Variants in FAM53B observed in about 807,000 individuals in gnomAD.
FAM53B encodes family with sequence similarity 53 member B, also known as protein FAM53B.
A neutral mutation model predicts 32.7 loss-of-function variants in FAM53B; 12 were observed. That is an observed-to-expected ratio of 0.37 (90% CI 0.24 to 0.59). The LOEUF is 0.59. Ranked by LOEUF, FAM53B falls within the 20% of genes least tolerant of loss-of-function variation. FAM53B has a pLI of 0.72. For synonymous variants in FAM53B, 234 were observed against 228.7 expected (o/e 1.02, Z -0.21); for missense variants, 477 against 577.7 (o/e 0.83, Z 1.79).
chr10:124,704,138 C>T (rs539288277), intron 2 of FAM53B: 2 of 152,398 alleles, frequency 1.3e-5, no homozygotes, highest in East Asian at 3.9e-4. Context: ...GGCTCCTCAC[C>T]CTTGAGGTCC....
intron 4 of FAM53B, among the ~76,000 whole-genome samples, chr10:124,634,403 A>G (rs936132617): frequency 6.6e-6 from 1 of 152,244 alleles, no homozygotes; most frequent in Non-Finnish European, 1.5e-5. Context: ...CTCATCTTGA[A>G]TTGTAGTTCC....
Position 124,714,512 on chromosome 10 carries a change from G to A in FAM53B, c.-174-7625C>T, listed in dbSNP as rs557362713. Reference sequence around the variant, plus strand: ...GTGGTGGCTCACGCCTGTAATCCCAGCACTTTGGGAGGCTGAGGCAGGCGG... The same window carrying A: ...GTGGTGGCTCACGCCTGTAATCCCAACACTTTGGGAGGCTGAGGCAGGCGG... On this transcript the variant is annotated intron_variant, in intron 1 of 4. Coordinates refer to ENST00000337318, the MANE Select transcript of FAM53B (RefSeq NM_014661.4). Among the ~76,000 whole-genome samples the A allele has an allele frequency of 1.2e-4, 18 of 152,292 alleles. No homozygotes were observed. In the South Asian group the frequency reaches 1.9e-3, roughly 16 times the overall value.
chr10:124,731,767 G>C (rs1409137327), intron 1 of FAM53B, among the ~76,000 whole-genome samples: 1 of 151,984 alleles, frequency 6.6e-6, no homozygotes, highest in Admixed American at 6.6e-5. Context: ...ATGAAGTTTT[G>C]GCTGTGGCCC....
At chr10:124,660,125 G>A (rs1422944429) in intron 4 of FAM53B, among the ~76,000 whole-genome samples, 1 of 152,210 alleles carries the variant, frequency 6.6e-6, no homozygotes, top group Non-Finnish European at 1.5e-5. Context: ...ACTTTCTAGG[G>A]GTTTGTCTTC....
chr10:124,664,409 G>A (rs1233085921), intron 4 of FAM53B, among the ~76,000 whole-genome samples: 3 of 152,224 alleles, frequency 2.0e-5, no homozygotes, highest in Non-Finnish European at 2.9e-5. Context: ...TCGCCTTTAG[G>A]AAACAGGTCA....
chr10:124,734,234 C>T (rs1205928196), intron 1 of FAM53B, among the ~76,000 whole-genome samples: 2 of 152,248 alleles, frequency 1.3e-5, no homozygotes, highest in East Asian at 1.9e-4. Context: ...GTCCATAATA[C>T]GAGCTATGAG....
intron 4 of FAM53B, among the ~76,000 whole-genome samples, chr10:124,680,092 T>C (rs1949759964): frequency 6.6e-6 from 1 of 152,232 alleles, no homozygotes; most frequent in African/African-American, 2.4e-5. Flanking sequence ...AGAAGGGAAA[T>C]TCCTCTTGGT....
intron 4 of FAM53B, among the ~76,000 whole-genome samples, chr10:124,675,204 C>T (rs1257309716): frequency 6.6e-6 from 1 of 152,036 alleles, no homozygotes; most frequent in Non-Finnish European, 1.5e-5. Context: ...TGCAGTGAGT[C>T]GAGATCTCAC....
chr10:124,645,455 C>T (rs1030279393), intron 4 of FAM53B, among the ~76,000 whole-genome samples: 1 of 152,188 alleles, frequency 6.6e-6, no homozygotes, highest in African/African-American at 2.4e-5. Context: ...CGGCAGCATT[C>T]CCCACCCCAC....
At chr10:124,732,358 T>C (rs1326428645) in intron 1 of FAM53B, among the ~76,000 whole-genome samples, 1 of 152,096 alleles carries the variant, frequency 6.6e-6, no homozygotes, top group Non-Finnish European at 1.5e-5. Flanking sequence ...CCACGCTCAG[T>C]CGTCGTCTTA....
intron 3 of FAM53B, among the ~76,000 whole-genome samples, chr10:124,692,060 G>A (rs1354775424): frequency 6.6e-6 from 1 of 152,238 alleles, no homozygotes; most frequent in Non-Finnish European, 1.5e-5. Context: ...CTTTGTAGAG[G>A]AAATTCCATT....
intron 1 of FAM53B, among the ~76,000 whole-genome samples, chr10:124,716,237 GA>G (rs1452537675): frequency 6.6e-6 from 1 of 152,154 alleles, no homozygotes. Context: ...AAAGGCCACC[GA>G]AGGCCACACT....
chr10:124,640,191 C>T (rs780701704), intron 4 of FAM53B, among the ~76,000 whole-genome samples: 54 of 152,250 alleles, frequency 3.5e-4, no homozygotes, highest in Middle Eastern at 3.2e-3. Context: ...GACGGCTGCA[C>T]CTTGCTACAG....
chr10:124,652,164 C>T (rs984801731), intron 4 of FAM53B, among the ~76,000 whole-genome samples: 3 of 152,200 alleles, frequency 2.0e-5, no homozygotes, highest in Non-Finnish European at 2.9e-5. Flanking sequence ...TTGTCCCTGC[C>T]GGTGTCCAGC....
At chr10:124,710,796 C>T (rs1949996551) in intron 1 of FAM53B, among the ~76,000 whole-genome samples, 1 of 152,124 alleles carries the variant, frequency 6.6e-6, no homozygotes, top group African/African-American at 2.4e-5. Flanking sequence ...TTGAATTATC[C>T]CCATTTTACA....
intron 1 of FAM53B, among the ~76,000 whole-genome samples, chr10:124,739,613 G>A (rs867292484): frequency 6.5e-4 from 99 of 152,144 alleles, no homozygotes; most frequent in African/African-American, 2.3e-3. Flanking sequence ...GACTGGCACC[G>A]TGAAAAAAGT....
intron 2 of FAM53B, among the ~76,000 whole-genome samples, chr10:124,705,886 C>A (rs1039246696): frequency 6.6e-6 from 1 of 152,214 alleles, no homozygotes; most frequent in African/African-American, 2.4e-5. Flanking sequence ...GGCAAGGTGA[C>A]CCTGGGCAGT....
intron 3 of FAM53B, among the ~76,000 whole-genome samples, chr10:124,694,682 G>A (rs1304316851): frequency 3.9e-5 from 6 of 152,218 alleles, no homozygotes; most frequent in Admixed American, 3.3e-4. Flanking sequence ...GGAAGCAGGC[G>A]AGGAGGCAGG....
chr10:124,675,923 CA>C (rs1421172168), intron 4 of FAM53B, among the ~76,000 whole-genome samples: 1 of 152,228 alleles, frequency 6.6e-6, no homozygotes, highest in East Asian at 1.9e-4. Flanking sequence ...AATTACCCAT[CA>C]ATTAGCAATG....
Sources: allele counts gnomAD v4.1 joint callset (sites outside exome capture counted in the v4.1 genomes callset), GRCh38; gene constraint gnomAD v4.1.1; transcripts MANE v1.5; gene names NCBI Gene and HGNC (gene_info 2026-07-23, HGNC 2026-07-21).